The following GLCE variants were observed in gnomAD, a reference collection of about 807,000 sequenced individuals.
GLCE encodes D-glucuronyl C5-epimerase.
A neutral mutation model predicts 47.9 loss-of-function variants in GLCE; 19 were observed. The observed-to-expected ratio is 0.40, with a 90% CI of 0.28 to 0.58. GLCE has a LOEUF of 0.58. Ranked by LOEUF, GLCE falls within the 20% of genes least tolerant of loss-of-function variation. The pLI, the probability that GLCE is intolerant of heterozygous loss-of-function variation, is 0.48. For missense variants in GLCE, 556 were observed against 743.3 expected, an observed-to-expected ratio of 0.75 and a Z score of 2.93; for synonymous variants, 245 against 263.4, an observed-to-expected ratio of 0.93 and a Z score of 0.68.
intron 1 of GLCE, chr15:69,194,537 T>G (rs1399251637): frequency 6.6e-6 from 1 of 152,116 alleles, no homozygotes; most frequent in East Asian, 1.9e-4. Flanking sequence ...TAAAAATAAT[T>G]CATTCTTATT....
intron 2 of GLCE, among the ~76,000 whole-genome samples, chr15:69,234,962 A>AT (rs1156760135): frequency 2.6e-5 from 4 of 152,006 alleles, no homozygotes; most frequent in Admixed American, 6.6e-5. Flanking sequence ...GAGAAAGGTG[A>AT]TTTTTTTCAG....
intron 1 of GLCE, among the ~76,000 whole-genome samples, chr15:69,205,030 A>T (rs2052131129): frequency 6.6e-6 from 1 of 152,056 alleles, no homozygotes; most frequent in Non-Finnish European, 1.5e-5. Flanking sequence ...ACATGCAGTA[A>T]AACTGACTTT....
At chr15:69,187,998 A>C (rs2051851022) in intron 1 of GLCE, among the ~76,000 whole-genome samples, 2 of 152,162 alleles carry the variant, frequency 1.3e-5, no homozygotes, top group Admixed American at 1.3e-4. Context: ...TGGGAGGCAG[A>C]GGTTGTAGTG....
rs762426953 is a variant in GLCE at position 69,268,518 on chromosome 15, G to A, written c.1128G>A (p.Met376Ile). 2.5e-6 allele frequency: 4 copies of A among 1,614,150 alleles called. No homozygotes were observed. In the Admixed American group the frequency reaches 6.7e-5, roughly 27 times the overall value. Residue 376 changes from methionine to isoleucine, a missense_variant, in exon 5 of 5, where the codon ATG (methionine) becomes ATA (isoleucine). By Grantham distance (10) the Met-to-Ile change is conservative (BLOSUM62 1). Coordinates refer to ENST00000261858, the MANE Select transcript of GLCE (RefSeq NM_015554.3). ...AAGCTGTCAAGCCAACCAAAATAATGCCCAAGAAGGTGGTTAGGTTGATTG... is the reference window on the plus strand; with the variant it reads ...AAGCTGTCAAGCCAACCAAAATAATACCCAAGAAGGTGGTTAGGTTGATTG... ...NTKAVKPTKI[M>I]PKKVVRLIAK...
At chr15:69,247,900 A>G (rs1212953741) in intron 2 of GLCE, among the ~76,000 whole-genome samples, 2 of 152,238 alleles carry the variant, frequency 1.3e-5, no homozygotes, top group African/African-American at 4.8e-5. Flanking sequence ...CAATTAAAAT[A>G]GCAACATTGA....
intron 1 of GLCE, among the ~76,000 whole-genome samples, chr15:69,199,016 A>G (rs1274670885): frequency 6.6e-6 from 1 of 152,166 alleles, no homozygotes; most frequent in Non-Finnish European, 1.5e-5. Flanking sequence ...AACTTGTTGA[A>G]TGAATTAACC....
intron 1 of GLCE, among the ~76,000 whole-genome samples, chr15:69,193,390 T>C (rs1414014989): frequency 6.6e-6 from 1 of 152,116 alleles, no homozygotes; most frequent in Non-Finnish European, 1.5e-5. Context: ...AGTGGAAATC[T>C]CCCTATAAAC....
At chr15:69,225,303 C>G (rs374558960) in intron 2 of GLCE, among the ~76,000 whole-genome samples, 4 of 151,964 alleles carry the variant, frequency 2.6e-5, no homozygotes, top group Middle Eastern at 3.2e-3. Flanking sequence ...ATCCTTGCGT[C>G]GGCTGTCATA....
At chr15:69,211,554 C>T (rs1025587942) in intron 2 of GLCE, among the ~76,000 whole-genome samples, 1 of 151,078 alleles carries the variant, frequency 6.6e-6, no homozygotes, top group African/African-American at 2.4e-5. Flanking sequence ...TTTAAATAAA[C>T]ATAAGATAGA....
intron 4 of GLCE, among the ~76,000 whole-genome samples, chr15:69,265,717 T>C (rs924265428): frequency 8.5e-5 from 13 of 152,308 alleles, no homozygotes; most frequent in African/African-American, 3.1e-4. Flanking sequence ...AATAAAATTG[T>C]AATTCTGGGA....
rs570460631 is a variant in GLCE at position 69,211,368 on chromosome 15, A to T, written c.-14+962A>T. Among the ~76,000 whole-genome samples the T allele has an allele frequency of 2.0e-5, 3 of 152,150 alleles. No individual in the cohort carries two copies. The South Asian group carries it at 6.2e-4, about 32-fold the overall frequency. On this transcript the variant is annotated intron_variant, in intron 2 of 4. Coordinates refer to ENST00000261858, the MANE Select transcript of GLCE (RefSeq NM_015554.3). ...CTGAACAAATAATATTTTGAGAGTG[A>T]TGATTGTGTGTTTTTAATATCTGTT...
chr15:69,164,980 G>A (rs1467027108), intron 1 of GLCE, among the ~76,000 whole-genome samples: 1 of 151,942 alleles, frequency 6.6e-6, no homozygotes, highest in African/African-American at 2.4e-5. Context: ...TGATTTTTCT[G>A]AAGTGCAAAT....
chr15:69,214,876 A>T (rs2052283315), intron 2 of GLCE, among the ~76,000 whole-genome samples: 1 of 152,226 alleles, frequency 6.6e-6, no homozygotes, highest in Non-Finnish European at 1.5e-5. Context: ...AAATTTACCA[A>T]ATAGAATACA....
At chr15:69,218,882 A>C (rs2052341977) in intron 2 of GLCE, among the ~76,000 whole-genome samples, 1 of 152,130 alleles carries the variant, frequency 6.6e-6, no homozygotes. Flanking sequence ...AAAATTTAAC[A>C]CTGCAAATGT....
intron 3 of GLCE, among the ~76,000 whole-genome samples, chr15:69,259,415 G>T (rs1233107696): frequency 6.6e-6 from 1 of 152,062 alleles, no homozygotes; most frequent in East Asian, 1.9e-4. Flanking sequence ...AAAGGCACTT[G>T]CCACACCACA....
At chr15:69,255,046 G>A (rs1356256257) in intron 2 of GLCE, among the ~76,000 whole-genome samples, 1 of 152,146 alleles carries the variant, frequency 6.6e-6, no homozygotes, top group Non-Finnish European at 1.5e-5. Flanking sequence ...GGAAGAAAAT[G>A]TTTCAAGAAG....
At chr15:69,263,421 G>T (rs916966713) in intron 4 of GLCE, among the ~76,000 whole-genome samples, 2 of 151,716 alleles carry the variant, frequency 1.3e-5, no homozygotes, top group East Asian at 3.9e-4. Flanking sequence ...GCTGAATGCT[G>T]TTGGTCTTTT....
intron 3 of GLCE, chr15:69,260,849 G>A: frequency 2.2e-6 from 1 of 455,882 alleles, no homozygotes; most frequent in South Asian, 4.0e-5. Flanking sequence ...GTAATTTATA[G>A]CGTTGCACTA....
At chr15:69,251,074 A>G (rs2052838182) in intron 2 of GLCE, among the ~76,000 whole-genome samples, 1 of 152,072 alleles carries the variant, frequency 6.6e-6, no homozygotes, top group Non-Finnish European at 1.5e-5. Context: ...TTATTTTCAT[A>G]TCACTTATTG....
Sources: gnomAD v4.1 joint callset for allele counts (sites outside exome capture counted in the v4.1 genomes callset) on GRCh38, gnomAD v4.1.1 for gene constraint, MANE v1.5 for transcripts, NCBI Gene and HGNC (gene_info 2026-07-23, HGNC 2026-07-21) for gene names.